CIBAR2: variants seen among roughly 807,000 people sequenced by gnomAD.
CIBAR2 encodes the protein CBY1-interacting BAR domain-containing protein 2.
CIBAR2 carries 38 observed loss-of-function variants against 36.2 expected under a neutral mutation model. The observed-to-expected ratio is 1.05, with a 90% CI of 0.81 to 1.38. CIBAR2 has a LOEUF of 1.38. CIBAR2 is among the 40% of genes most tolerant of loss of function. The pLI, the probability that CIBAR2 is intolerant of heterozygous loss-of-function variation, is 0.00. For synonymous variants in CIBAR2, 182 were observed against 149.5 expected, an observed-to-expected ratio of 1.22 and a Z score of -1.58; for missense variants, 481 against 383.4, an observed-to-expected ratio of 1.25 and a Z score of -2.13.
chr16:85,099,477 G>C, intron 8 of CIBAR2, 131 bp from the exon 9 acceptor site: 1 of 640,710 alleles, frequency 1.6e-6, no homozygotes, highest in Middle Eastern at 3.7e-4. Flanking sequence ...CCACGGGCTG[G>C]GATGGAGGTG....
In CIBAR2 at chr16:85,098,662, C is replaced by T. The variant is rs1308327243; in HGVS notation, c.*523G>A. Reference sequence around the variant, plus strand: ...CTCCTCCCCTTCTTTTCCTGGGCTCCATATGGTGCTCTGAGCACTCTAAAT... The same window carrying T: ...CTCCTCCCCTTCTTTTCCTGGGCTCTATATGGTGCTCTGAGCACTCTAAAT... On this transcript the variant is annotated 3_prime_UTR_variant, in exon 9 of 9. Transcript: ENST00000539556. 1 of 961,724 alleles carries T rather than the reference C, an allele frequency of 1.0e-6. No homozygotes were observed. Among genetic ancestry groups the T allele is most frequent in the African/African-American group, 1.8e-5 (1 of 56,788 alleles). 59.6% of individuals were successfully genotyped at this position (961,724 alleles called of 1,614,324 possible). A position where few individuals can be genotyped will look rare whatever the true frequency, so the allele number is the denominator to read the frequency against.
In CIBAR2 at chr16:85,110,388, C is replaced by A; in HGVS notation, c.93G>T (p.Leu31=). ...TEKYFGQFCS[L]LAAYTRKTAR... ...CCGTCTTGCGCGTGTAGGCGGCCAGCAGCGAGCAGAACTGCCCAAAGTACT... is the reference window on the plus strand; with the variant it reads ...CCGTCTTGCGCGTGTAGGCGGCCAGAAGCGAGCAGAACTGCCCAAAGTACT... Residue 31 remains leucine (L), a synonymous_variant, in exon 2 of 9, where the codon CTG becomes CTT. Coordinates refer to ENST00000539556, the MANE Select transcript of CIBAR2 (RefSeq NM_198491.3). 1 of 1,613,500 alleles carries A rather than the reference C, an allele frequency of 6.2e-7. No individual in the cohort carries two copies. The highest frequency in any genetic ancestry group is 8.5e-7 in the Non-Finnish European group (1 of 1,179,814).
At chr16:85,107,969 G>T in intron 3 of CIBAR2, 22 bp from the exon 4 acceptor site, 1 of 1,613,472 alleles carries the variant, frequency 6.2e-7, no homozygotes, top group Non-Finnish European at 8.5e-7. Flanking sequence ...GAGGAGGGTT[G>T]TTTCCTGGGA....
At chr16:85,106,384 G>A (rs1337746569) in intron 5 of CIBAR2, among the ~76,000 whole-genome samples, 1 of 152,182 alleles carries the variant, frequency 6.6e-6, no homozygotes, top group African/African-American at 2.4e-5. Context: ...CCCTTCCAAG[G>A]CATCGGGGAC....
intron 6 of CIBAR2, among the ~76,000 whole-genome samples, chr16:85,105,098 G>A (rs1306771349): frequency 6.6e-6 from 1 of 152,260 alleles, no homozygotes; most frequent in African/African-American, 2.4e-5. Context: ...GCTTCCGGCT[G>A]TGCTGGGACA....
chr16:85,099,395 G>A (rs750907974), intron 8 of CIBAR2, 49 bp from the exon 9 acceptor site: 1 of 1,047,830 alleles, frequency 9.5e-7, no homozygotes, highest in South Asian at 1.3e-5. Flanking sequence ...GGGGCTGTAA[G>A]GTAACATCTA....
chr16:85,110,275 C>T lies in CIBAR2; in HGVS notation c.206G>A (p.Arg69Lys). The change falls in exon 2 of 9, where the codon AGG (arginine) becomes AAG (lysine). Residue 69 changes from arginine (R) to lysine (K), a missense_variant. Transcript: ENST00000539556. ...TTTGGCCAGGTCCTCAGCGAAGCCC[C>T]TCATGGTGGCCCGCAGCTCGGGGTT... ...SENPELRATM[R>K]GFAEDLAKVQ... The T allele has an allele frequency of 6.2e-7, 1 of 1,608,042 alleles. No homozygotes were observed. The highest frequency in any genetic ancestry group is 1.1e-5 in the South Asian group (1 of 90,506).
At chr16:85,110,081 T>C (rs2074028397) in intron 2 of CIBAR2, 145 bp downstream of exon 2, 1 of 595,328 alleles carries the variant, frequency 1.7e-6, no homozygotes, top group Non-Finnish European at 2.9e-6. Flanking sequence ...CTGGAAAGGG[T>C]GTAAATGTCC....
At chr16:85,103,380 C>T (rs373826957) in intron 6 of CIBAR2, among the ~76,000 whole-genome samples, 4 of 152,144 alleles carry the variant, frequency 2.6e-5, no homozygotes, top group Non-Finnish European at 5.9e-5. Context: ...GTTGTGTTGG[C>T]GCAGGCTGGA....
intron 5 of CIBAR2, among the ~76,000 whole-genome samples, chr16:85,105,827 A>G (rs1019336861): frequency 1.3e-5 from 2 of 152,192 alleles, no homozygotes; most frequent in Non-Finnish European, 2.9e-5. Context: ...GAACACATTT[A>G]GGTAATTAAC....
Position 85,107,964 on chromosome 16 carries a change from G to T in CIBAR2, c.325-17C>A. The T allele has an allele frequency of 6.2e-7, 1 of 1,613,150 alleles. No homozygotes were observed. Among genetic ancestry groups the T allele is most frequent in the South Asian group, 1.1e-5 (1 of 91,074 alleles). Reference sequence around the variant, plus strand: ...GATCTCAGCCTGCAGAAAAGGAGGAGGGTTGTTTCCTGGGATCCCACAGGG... The same window carrying T: ...GATCTCAGCCTGCAGAAAAGGAGGATGGTTGTTTCCTGGGATCCCACAGGG... On this transcript the variant is annotated splice_polypyrimidine_tract_variant and intron_variant, in intron 3 of 8. Coordinates refer to ENST00000539556, the MANE Select transcript of CIBAR2 (RefSeq NM_198491.3).
intron 8 of CIBAR2, 58 bp downstream of exon 8, chr16:85,100,081 G>T: frequency 7.4e-7 from 1 of 1,348,984 alleles, no homozygotes; most frequent in Non-Finnish European, 1.0e-6. Context: ...ACTACCACGG[G>T]CCTTCCAGGC....
At chr16:85,102,844 C>T (rs1257486643) in intron 6 of CIBAR2, among the ~76,000 whole-genome samples, 1 of 151,772 alleles carries the variant, frequency 6.6e-6, no homozygotes, top group Non-Finnish European at 1.5e-5. Context: ...CCCTTTTTCA[C>T]TCTGGTCTGA....
At chr16:85,105,735 T>G (rs2073991152) in intron 5 of CIBAR2, among the ~76,000 whole-genome samples, 1 of 152,222 alleles carries the variant, frequency 6.6e-6, no homozygotes, top group Non-Finnish European at 1.5e-5. Context: ...TTAGCAGGGC[T>G]GTTGTAGAAA....
intron 5 of CIBAR2, among the ~76,000 whole-genome samples, chr16:85,106,977 C>G (rs945282486): frequency 6.6e-6 from 1 of 152,118 alleles, no homozygotes; most frequent in African/African-American, 2.4e-5. Context: ...AAAACCCCGT[C>G]TCTGCTAAAA....
intron 1 of CIBAR2, among the ~76,000 whole-genome samples, chr16:85,110,803 C>G (rs1023807061): frequency 6.8e-4 from 101 of 149,510 alleles, no homozygotes; most frequent in African/African-American, 2.3e-3. Flanking sequence ...CTCCTGGTTT[C>G]AAGTAATTCT....
rs1396206904 is a variant in CIBAR2 at position 85,104,948 on chromosome 16, G to A, written c.537+379C>T. Among the ~76,000 whole-genome samples the A allele has an allele frequency of 4.6e-5, 7 of 152,292 alleles. No individual in the cohort carries two copies. The South Asian group carries it at 1.0e-3, about 23-fold the overall frequency. The stretch of plus-strand genomic sequence containing the variant: ...CCACACCCAGCTGCTGGGCCTTCAC[G>A]TGGCTTGTTCAGGGAGGGGGTTTAG... On this transcript the variant is annotated intron_variant, in intron 6 of 8. Transcript: ENST00000539556.
rs542294324 is a variant in CIBAR2, at chr16:85,111,372, G to A, written c.21-912C>T. ...ATGCAGTGAACTGAGGCCCAGAGAG[G>A]TGAAGCATCTTGCTACCGGTCACAC... On this transcript the variant is annotated intron_variant, in intron 1 of 8. Coordinates refer to ENST00000539556, the MANE Select transcript of CIBAR2 (RefSeq NM_198491.3). Among the ~76,000 whole-genome samples the A allele has an allele frequency of 4.0e-4, 61 of 152,290 alleles. 1 individual carries two copies. Among genetic ancestry groups the A allele is most frequent in the Admixed American group, 1.4e-3 (21 of 15,302 alleles).
At chr16:85,112,242 A>T in intron 1 of CIBAR2, 91 bp downstream of exon 1, 1 of 989,122 alleles carries the variant, frequency 1.0e-6, no homozygotes, top group East Asian at 2.6e-5. Context: ...CCCAAGCAGC[A>T]GGCCCTGCTG....
Sources: allele counts gnomAD v4.1 joint callset (sites outside exome capture counted in the v4.1 genomes callset), GRCh38; gene constraint gnomAD v4.1.1; transcripts MANE v1.5; gene names NCBI Gene and HGNC (gene_info 2026-07-23, HGNC 2026-07-21).